Variants in AFAP1 observed in about 807,000 individuals in gnomAD.
AFAP1 encodes actin filament-associated protein 1.
AFAP1 carries 75 observed loss-of-function variants against 93.9 expected under a neutral mutation model. The ratio of observed to expected loss-of-function variants is 0.80; its 90% CI spans 0.66 to 0.97. The LOEUF is 0.97. AFAP1 is among the 50% of genes least tolerant of loss of function. The pLI, the probability that AFAP1 is intolerant of heterozygous loss-of-function variation, is 0.00. For synonymous variants in AFAP1, 517 were observed against 430.7 expected, an observed-to-expected ratio of 1.20 and a Z score of -2.48; for missense variants, 1,201 against 1,050.8, an observed-to-expected ratio of 1.14 and a Z score of -1.98.
intron 1 of AFAP1, among the ~76,000 whole-genome samples, chr4:7,904,816 C>T (rs548402203): frequency 7.9e-5 from 12 of 152,228 alleles, no homozygotes; most frequent in African/African-American, 2.4e-4. Context: ...AAGAGATTCT[C>T]GCACCTCAGC....
At chr4:7,804,930 C>T (rs1719369737) in intron 9 of AFAP1, among the ~76,000 whole-genome samples, 1 of 152,216 alleles carries the variant, frequency 6.6e-6, no homozygotes, top group Non-Finnish European at 1.5e-5. Context: ...GATCACAGGC[C>T]TGCCGAAGCC....
chr4:7,823,699 T>C (rs1721176351), intron 6 of AFAP1, among the ~76,000 whole-genome samples: 1 of 152,164 alleles, frequency 6.6e-6, no homozygotes, highest in South Asian at 2.1e-4. Context: ...TCTGAATGCT[T>C]AGAATGGGGA....
intron 4 of AFAP1, among the ~76,000 whole-genome samples, chr4:7,846,319 G>A (rs1358274016): frequency 6.6e-6 from 1 of 152,210 alleles, no homozygotes; most frequent in Non-Finnish European, 1.5e-5. Flanking sequence ...TTTACAACAA[G>A]AGGGTTTTTA....
At chr4:7,770,874 G>C (rs114649539) in intron 16 of AFAP1, among the ~76,000 whole-genome samples, 3,096 of 152,272 alleles carry the variant, frequency 0.02, 106 homozygotes, top group African/African-American at 0.071. Flanking sequence ...ATCACAGAGG[G>C]AGGGGCACAG....
intron 1 of AFAP1, among the ~76,000 whole-genome samples, chr4:7,911,633 T>C (rs1401385924): frequency 2.0e-5 from 3 of 152,206 alleles, no homozygotes; most frequent in Non-Finnish European, 2.9e-5. Flanking sequence ...TTTCTGAGTT[T>C]ATGAAACCAA....
intron 3 of AFAP1, among the ~76,000 whole-genome samples, chr4:7,863,951 A>C (rs112967557): frequency 0.088 from 7,400 of 83,956 alleles, 81 homozygotes; most frequent in South Asian, 0.16. Context: ...TTCACAACCC[A>C]TTCCCAACTT....
chr4:7,842,549 A>AG (rs1226660179), intron 5 of AFAP1: 4 of 152,034 alleles, frequency 2.6e-5, no homozygotes, highest in African/African-American at 7.3e-5. Context: ...GGGAGGAGGA[A>AG]GGGACGCCAC....
At chr4:7,870,142 G>A (rs996349630) in intron 2 of AFAP1, among the ~76,000 whole-genome samples, 38 of 152,134 alleles carry the variant, frequency 2.5e-4, no homozygotes, top group Admixed American at 5.9e-4. Context: ...TTTTATACAC[G>A]GAGGAAACTG....
At chr4:7,782,265 C>T (rs1025127038) in intron 12 of AFAP1, among the ~76,000 whole-genome samples, 1 of 152,234 alleles carries the variant, frequency 6.6e-6, no homozygotes, top group African/African-American at 2.4e-5. Flanking sequence ...GCGGTGCTCC[C>T]GCTAAGCCTC....
intron 1 of AFAP1, among the ~76,000 whole-genome samples, chr4:7,913,427 A>G (rs1165138242): frequency 1.3e-5 from 2 of 151,858 alleles, no homozygotes; most frequent in African/African-American, 4.8e-5. Flanking sequence ...CATCACCCAT[A>G]TTAAAGATGG....
At chr4:7,763,908 C>T in intron 17 of AFAP1, 117 bp from the exon 18 acceptor site, 1 of 951,594 alleles carries the variant, frequency 1.1e-6, no homozygotes, top group South Asian at 1.4e-5. Context: ...GCAGAAAACT[C>T]AACAGAATCA....
At chr4:7,922,284 T>C (rs542049390) in intron 1 of AFAP1, among the ~76,000 whole-genome samples, 1 of 152,276 alleles carries the variant, frequency 6.6e-6, no homozygotes, top group East Asian at 1.9e-4. Flanking sequence ...GGGGGAATAA[T>C]AATACCTAAC....
At chr4:7,859,410 C>T (rs964163885) in intron 3 of AFAP1, among the ~76,000 whole-genome samples, 2 of 151,666 alleles carry the variant, frequency 1.3e-5, no homozygotes, top group African/African-American at 4.8e-5. Flanking sequence ...CAGAGCAAGA[C>T]TCTGTCTCGA....
chr4:7,851,924 T>C (rs1218304354), intron 4 of AFAP1, among the ~76,000 whole-genome samples: 3 of 152,204 alleles, frequency 2.0e-5, no homozygotes, highest in Admixed American at 1.3e-4. Context: ...TTCTCCATGA[T>C]GGGATCCCCA....
intron 1 of AFAP1, among the ~76,000 whole-genome samples, chr4:7,919,762 T>C (rs767960961): frequency 8.5e-5 from 13 of 152,164 alleles, no homozygotes; most frequent in Non-Finnish European, 1.2e-4. Flanking sequence ...CCAGCCAGCA[T>C]GCATTAGCTG....
rs1720454395 is a variant in AFAP1 at position 7,816,118 on chromosome 4, T to TA, written c.823-20dup. On this transcript the variant is annotated intron_variant, in intron 7 of 17. Coordinates refer to ENST00000420658, the MANE Select transcript of AFAP1 (RefSeq NM_001134647.2). ...ACAGTTTCTGTAAGGAGAAAAAGATTAAGTTATTCTTACAGTGGTCACTTG... is the reference window on the plus strand; with the variant it reads ...ACAGTTTCTGTAAGGAGAAAAAGATTAAAGTTATTCTTACAGTGGTCACTTG... 3 of 1,596,702 alleles carry TA rather than the reference T, an allele frequency of 1.9e-6. No individual in the cohort carries two copies. The highest frequency in any genetic ancestry group is 2.6e-6 in the Non-Finnish European group (3 of 1,168,922).
chr4:7,861,229 T>C (rs1472370335), intron 3 of AFAP1, among the ~76,000 whole-genome samples: 1 of 152,224 alleles, frequency 6.6e-6, no homozygotes, highest in Non-Finnish European at 1.5e-5. Flanking sequence ...GTTCCATTTC[T>C]ATCACATATT....
intron 1 of AFAP1, among the ~76,000 whole-genome samples, chr4:7,920,537 A>T (rs907745320): frequency 1.1e-4 from 17 of 152,234 alleles, no homozygotes; most frequent in Admixed American, 9.8e-4. Context: ...AAAGATAATT[A>T]TCAAGGAAGA....
chr4:7,796,154 C>T (rs1236720735), intron 10 of AFAP1, among the ~76,000 whole-genome samples: 1 of 152,132 alleles, frequency 6.6e-6, no homozygotes, highest in African/African-American at 2.4e-5. Context: ...GAAGTGAGCA[C>T]ATCTGGCCCC....
Sources: allele counts gnomAD v4.1 joint callset (sites outside exome capture counted in the v4.1 genomes callset), GRCh38; gene constraint gnomAD v4.1.1; transcripts MANE v1.5; gene names NCBI Gene and HGNC (gene_info 2026-07-23, HGNC 2026-07-21).